PCSK2: variants seen among roughly 807,000 people sequenced by gnomAD.
The protein encoded by PCSK2 is neuroendocrine convertase 2.
In PCSK2, 14 loss-of-function variants were observed where a neutral mutation model predicts 69.7. That is an observed-to-expected ratio of 0.20 (90% confidence interval 0.13 to 0.31). The LOEUF (loss-of-function observed/expected upper bound fraction) is 0.31, where lower values mean the gene tolerates loss of function less well. Among genes scored for constraint, PCSK2 ranks in the 10% least tolerant of loss-of-function variants. PCSK2 has a pLI of 1.00. For missense variants in PCSK2, 544 were observed against 842.5 expected (o/e 0.65, Z 4.39); for synonymous variants, 307 against 320.7 (o/e 0.96, Z 0.46).
At chr20:17,310,335 C>T (rs777828901) in intron 2 of PCSK2, among the ~76,000 whole-genome samples, 40 of 152,048 alleles carry the variant, frequency 2.6e-4, no homozygotes, top group Non-Finnish European at 5.3e-4. Context: ...GGTTGGGTTG[C>T]TATCACGAGG....
intron 2 of PCSK2, among the ~76,000 whole-genome samples, chr20:17,299,191 C>A (rs62202214): frequency 0.053 from 8,037 of 152,046 alleles, 331 homozygotes; most frequent in East Asian, 0.11. Context: ...TTTTCACATG[C>A]GATCATTTTA....
chr20:17,465,689 G>A (rs1261446821), intron 11 of PCSK2, 136 bp downstream of exon 11: 2 of 645,388 alleles, frequency 3.1e-6, no homozygotes, highest in African/African-American at 1.8e-5. Flanking sequence ...GTTTTTTTGA[G>A]ACAGGGCCTC....
intron 11 of PCSK2, among the ~76,000 whole-genome samples, chr20:17,471,127 GAGA>G (rs2033193855): frequency 6.6e-6 from 1 of 152,200 alleles, no homozygotes; most frequent in Non-Finnish European, 1.5e-5. Flanking sequence ...CACCGCGGGA[GAGA>G]AGGAGAGAGA....
chr20:17,418,643 T>C (rs1438294790), intron 6 of PCSK2, among the ~76,000 whole-genome samples: 1 of 152,206 alleles, frequency 6.6e-6, no homozygotes, highest in Non-Finnish European at 1.5e-5. Flanking sequence ...GCTGCTACTC[T>C]CAGAAGCCCC....
intron 2 of PCSK2, among the ~76,000 whole-genome samples, chr20:17,273,398 C>T (rs1315115038): frequency 6.6e-6 from 1 of 151,984 alleles, no homozygotes; most frequent in Non-Finnish European, 1.5e-5. Context: ...ATTTTTAATC[C>T]CTATCATGGA....
intron 1 of PCSK2, among the ~76,000 whole-genome samples, chr20:17,233,412 A>G (rs554276340): frequency 6.6e-6 from 1 of 152,280 alleles, no homozygotes; most frequent in Non-Finnish European, 1.5e-5. Context: ...TGTGGGTTAT[A>G]CTTGTGAGGG....
chr20:17,355,650 A>AACAC (rs74179105), intron 2 of PCSK2, among the ~76,000 whole-genome samples: 37,880 of 148,506 alleles, frequency 0.26, 5,175 homozygotes, highest in African/African-American at 0.35. Flanking sequence ...TGTGCACGCA[A>AACAC]ACACACACAC....
intron 6 of PCSK2, among the ~76,000 whole-genome samples, chr20:17,410,469 G>A (rs754700236): frequency 2.0e-5 from 3 of 152,076 alleles, no homozygotes; most frequent in Non-Finnish European, 4.4e-5. Flanking sequence ...TTGACACAGG[G>A]TACACAGGTT....
chr20:17,404,335 A>G (rs16999094), intron 5 of PCSK2, among the ~76,000 whole-genome samples: 2,959 of 152,288 alleles, frequency 0.019, 96 homozygotes, highest in African/African-American at 0.067. Context: ...TTCTTATGGC[A>G]AGTAACTGCC....
chr20:17,328,198 T>C (rs1418290424), intron 2 of PCSK2, among the ~76,000 whole-genome samples: 1 of 152,128 alleles, frequency 6.6e-6, no homozygotes, highest in Non-Finnish European at 1.5e-5. Context: ...TCATTAAAGA[T>C]TTGGAAATAT....
intron 2 of PCSK2, among the ~76,000 whole-genome samples, chr20:17,314,520 G>T (rs1218143548): frequency 6.6e-6 from 1 of 152,186 alleles, no homozygotes; most frequent in Admixed American, 6.5e-5. Flanking sequence ...TACAGTTACT[G>T]CCTTGGATGT....
chr20:17,451,692 A>G (rs2032825108), intron 8 of PCSK2, among the ~76,000 whole-genome samples: 1 of 152,204 alleles, frequency 6.6e-6, no homozygotes, highest in South Asian at 2.1e-4. Flanking sequence ...GCAAAGGCAT[A>G]GTGCACAGGG....
chr20:17,277,721 G>T (rs1988140953), intron 2 of PCSK2, among the ~76,000 whole-genome samples: 1 of 151,212 alleles, frequency 6.6e-6, no homozygotes, highest in African/African-American at 2.4e-5. Context: ...TGACAAATGG[G>T]ATCTAATTAA....
intron 2 of PCSK2, among the ~76,000 whole-genome samples, chr20:17,283,880 C>T (rs1183486114): frequency 6.6e-6 from 1 of 152,230 alleles, no homozygotes; most frequent in Non-Finnish European, 1.5e-5. Context: ...TTCTCCTCTA[C>T]ACAAACCTCT....
At chr20:17,374,778 G>T (rs562508126) in intron 5 of PCSK2, among the ~76,000 whole-genome samples, 1 of 152,254 alleles carries the variant, frequency 6.6e-6, no homozygotes, top group South Asian at 2.1e-4. Context: ...CAACCACTGG[G>T]TGAAGGCCAC....
intron 6 of PCSK2, among the ~76,000 whole-genome samples, chr20:17,427,561 T>C (rs2032274388): frequency 6.6e-6 from 1 of 152,204 alleles, no homozygotes; most frequent in African/African-American, 2.4e-5. Flanking sequence ...ATTGTGTCAG[T>C]AATCTACTGC....
chr20:17,288,135 C>A (rs1461696289), intron 2 of PCSK2, among the ~76,000 whole-genome samples: 1 of 152,196 alleles, frequency 6.6e-6, no homozygotes, highest in Admixed American at 6.5e-5. Flanking sequence ...CTTCACCAGG[C>A]CCTTCCAGGA....
Position 17,391,152 on chromosome 20 carries a change from T to G in PCSK2, c.544-18111T>G, listed in dbSNP as rs148865094. 2.0e-5 allele frequency among the ~76,000 whole-genome samples: 3 copies of G among 152,370 alleles called. No individual in the cohort carries two copies. In the East Asian group the frequency reaches 5.8e-4, roughly 29 times the overall value. On this transcript the variant is annotated intron_variant, in intron 5 of 11. Transcript: ENST00000262545. ...CTGAGTCAAGTAGTACATGCAATAT[T>G]AATTTTAATAAACCTTATCAAATTA...
At chr20:17,375,061 T>C (rs2030883768) in intron 5 of PCSK2, among the ~76,000 whole-genome samples, 1 of 152,192 alleles carries the variant, frequency 6.6e-6, no homozygotes, top group Non-Finnish European at 1.5e-5. Context: ...GCAAAATGGA[T>C]GTCTTGTCAG....
Sources: allele counts gnomAD v4.1 joint callset (sites outside exome capture counted in the v4.1 genomes callset), GRCh38; gene constraint gnomAD v4.1.1; transcripts MANE v1.5; gene names NCBI Gene and HGNC (gene_info 2026-07-23, HGNC 2026-07-21).